FBXO42: variants seen among roughly 807,000 people sequenced by gnomAD.
The protein encoded by FBXO42 is F-box protein 42.
A neutral mutation model predicts 71.7 loss-of-function variants in FBXO42; 12 were observed. The ratio of observed to expected loss-of-function variants is 0.17; its 90% CI spans 0.11 to 0.27. The LOEUF (loss-of-function observed/expected upper bound fraction) is 0.27. Ranked by LOEUF, FBXO42 falls within the 10% of genes least tolerant of loss-of-function variation. FBXO42 has a pLI of 1.00. For missense variants in FBXO42, 707 were observed against 911.9 expected, an observed-to-expected ratio of 0.78 and a Z score of 2.89; for synonymous variants, 325 against 327.5, an observed-to-expected ratio of 0.99 and a Z score of 0.08.
intron 3 of FBXO42, among the ~76,000 whole-genome samples, chr1:16,296,107 C>A (rs527678016): frequency 2.6e-5 from 4 of 152,318 alleles, no homozygotes; most frequent in African/African-American, 9.6e-5. Flanking sequence ...AGAAAAGATG[C>A]ATGAGTGCTA....
intron 2 of FBXO42, among the ~76,000 whole-genome samples, chr1:16,313,443 C>T (rs1435517160): frequency 3.3e-5 from 5 of 152,108 alleles, no homozygotes; most frequent in Admixed American, 3.3e-4. Context: ...TTGATTAAAT[C>T]ACAGTCCCTT....
chr1:16,336,249 T>C (rs1380579340), intron 1 of FBXO42, among the ~76,000 whole-genome samples: 1 of 151,788 alleles, frequency 6.6e-6, no homozygotes, highest in Non-Finnish European at 1.5e-5. Flanking sequence ...AATCTTACTT[T>C]TTGTGTGCCT....
chr1:16,351,660 A>C (rs2082704044), intron 1 of FBXO42, among the ~76,000 whole-genome samples: 1 of 152,052 alleles, frequency 6.6e-6, no homozygotes, highest in African/African-American at 2.4e-5. Context: ...TGCACACACA[A>C]TTCTCGCCAA....
chr1:16,265,413 A>G (rs962950225), intron 4 of FBXO42, among the ~76,000 whole-genome samples: 1 of 152,126 alleles, frequency 6.6e-6, no homozygotes, highest in Non-Finnish European at 1.5e-5. Context: ...TTATATCTCC[A>G]TGCTATTATC....
intron 4 of FBXO42, among the ~76,000 whole-genome samples, chr1:16,266,602 A>G (rs2081776624): frequency 6.6e-6 from 1 of 152,120 alleles, no homozygotes; most frequent in Non-Finnish European, 1.5e-5. Flanking sequence ...CCTACCCCAC[A>G]GATGCTGTTT....
At chr1:16,334,116 G>C (rs2082527114) in intron 1 of FBXO42, among the ~76,000 whole-genome samples, 1 of 152,270 alleles carries the variant, frequency 6.6e-6, no homozygotes, top group East Asian at 1.9e-4. Context: ...AATATGGGGA[G>C]GACAGAAGTG....
At chr1:16,334,293 T>C (rs2082529415) in intron 1 of FBXO42, among the ~76,000 whole-genome samples, 1 of 150,942 alleles carries the variant, frequency 6.6e-6, no homozygotes, top group Non-Finnish European at 1.5e-5. Context: ...ATTAGCCAGG[T>C]GTGGTGGCGG....
At chr1:16,311,156 C>T (rs1203060161) in intron 2 of FBXO42, among the ~76,000 whole-genome samples, 3 of 142,282 alleles carry the variant, frequency 2.1e-5, no homozygotes, top group Admixed American at 7.1e-5. Context: ...CCAGCCTGGG[C>T]GACAGAGTGA....
chr1:16,303,236 C>A (rs941112310), intron 3 of FBXO42, among the ~76,000 whole-genome samples: 12 of 152,304 alleles, frequency 7.9e-5, no homozygotes, highest in African/African-American at 2.9e-4. Context: ...ATGCAGCACA[C>A]TAACGCTGAA....
chr1:16,283,960 T>TA (rs1305080072), intron 4 of FBXO42, among the ~76,000 whole-genome samples: 1 of 151,738 alleles, frequency 6.6e-6, no homozygotes, highest in Non-Finnish European at 1.5e-5. Flanking sequence ...CAGTATGACT[T>TA]ACGTTGACTC....
At chr1:16,344,146 T>C (rs565395391) in intron 1 of FBXO42, among the ~76,000 whole-genome samples, 2 of 151,882 alleles carry the variant, frequency 1.3e-5, no homozygotes, top group Non-Finnish European at 2.9e-5. Flanking sequence ...TACAGGCATG[T>C]GCCACCACAC....
At chr1:16,305,723 C>T in intron 3 of FBXO42, 80 bp downstream of exon 3, 2 of 1,254,804 alleles carry the variant, frequency 1.6e-6, no homozygotes, top group East Asian at 2.3e-5. Context: ...CAAAAACAAA[C>T]AAAAAAACAT....
At chr1:16,262,700 A>ATT (rs2081727383) in intron 4 of FBXO42, among the ~76,000 whole-genome samples, 1 of 152,022 alleles carries the variant, frequency 6.6e-6, no homozygotes, top group Non-Finnish European at 1.5e-5. Flanking sequence ...AATTTTGGCA[A>ATT]TTTCTTTTTC....
At chr1:16,311,418 G>A (rs977641344) in intron 2 of FBXO42, among the ~76,000 whole-genome samples, 6 of 147,414 alleles carry the variant, frequency 4.1e-5, no homozygotes, top group African/African-American at 1.2e-4. Context: ...AGTCCAGGAA[G>A]TCAAGGCCGC....
chr1:16,286,040 C>T (rs564875451), intron 4 of FBXO42, among the ~76,000 whole-genome samples: 28 of 151,920 alleles, frequency 1.8e-4, no homozygotes, highest in South Asian at 2.1e-4. Flanking sequence ...GTTCACACCA[C>T]GCCCAGCTAA....
intron 1 of FBXO42, among the ~76,000 whole-genome samples, chr1:16,348,576 C>T (rs1196527018): frequency 6.6e-6 from 1 of 152,072 alleles, no homozygotes; most frequent in Non-Finnish European, 1.5e-5. Context: ...GGGCGGGTGC[C>T]TGTACTCCCA....
chr1:16,330,344 A>G (rs2082488723), intron 1 of FBXO42, among the ~76,000 whole-genome samples: 1 of 147,532 alleles, frequency 6.8e-6, no homozygotes, highest in Admixed American at 6.8e-5. Context: ...AACACAGACT[A>G]GGCCCTGTTT....
Position 16,267,355 on chromosome 1 carries a change from A to G in FBXO42, c.503-10596T>C, listed in dbSNP as rs116348925. 6.5e-3 allele frequency among the ~76,000 whole-genome samples: 988 copies of G among 152,348 alleles called. 6 individuals are homozygous for G. Among genetic ancestry groups the G allele is most frequent in the African/African-American group, 0.023 (945 of 41,590 alleles). ...AACCTCTAAACTCCTGCTTCCTAAG[A>G]CTTGGTTCTACCCAGGAGTGCTCTT... is the stretch of plus-strand genomic sequence containing the variant. On this transcript the variant is annotated intron_variant, in intron 4 of 9. Transcript: ENST00000375592.
intron 4 of FBXO42, among the ~76,000 whole-genome samples, chr1:16,268,347 A>T (rs1352471575): frequency 1.3e-5 from 2 of 152,204 alleles, no homozygotes; most frequent in Admixed American, 1.3e-4. Flanking sequence ...TCTCTTTAGC[A>T]GGAGGTAATG....
Sources: gnomAD v4.1 joint callset for allele counts (sites outside exome capture counted in the v4.1 genomes callset) on GRCh38, gnomAD v4.1.1 for gene constraint, MANE v1.5 for transcripts, NCBI Gene and HGNC (gene_info 2026-07-23, HGNC 2026-07-21) for gene names.